The following SAMMSON variants were observed in gnomAD, a reference collection of about 807,000 sequenced individuals.
SAMMSON encodes survival associated mitochondrial melanoma specific oncogenic non-coding RNA, also known as long intergenic non-protein coding RNA 1212.
intron 2 of SAMMSON, among the ~76,000 whole-genome samples, chr3:70,406,825 G>A (rs1701181853): frequency 6.6e-6 from 1 of 152,156 alleles, no homozygotes; most frequent in African/African-American, 2.4e-5. Flanking sequence ...GTTGAGACAG[G>A]TAGAAAACAA....
intron 9 of SAMMSON, among the ~76,000 whole-genome samples, chr3:70,378,424 G>A (rs1174874269): frequency 6.6e-6 from 1 of 151,986 alleles, no homozygotes; most frequent in Non-Finnish European, 1.5e-5. Context: ...CTCTGCATGG[G>A]AATTTACACT....
chr3:70,098,505 G>T (rs957801160), intron 4 of SAMMSON, among the ~76,000 whole-genome samples: 3 of 151,858 alleles, frequency 2.0e-5, no homozygotes, highest in Admixed American at 2.0e-4. Context: ...GTAGTTGGGA[G>T]TATAGGTGCC....
At chr3:70,053,031 C>G (rs1300692941) in intron 3 of SAMMSON, among the ~76,000 whole-genome samples, 1 of 152,124 alleles carries the variant, frequency 6.6e-6, no homozygotes, top group African/African-American at 2.4e-5. Context: ...TATCAGTGCT[C>G]TGAAAAGCAG....
chr3:70,364,333 C>T (rs1006642825), intron 9 of SAMMSON, among the ~76,000 whole-genome samples: 2 of 151,804 alleles, frequency 1.3e-5, no homozygotes, highest in Non-Finnish European at 3.0e-5. Context: ...CAGCCTTATC[C>T]TTGAAGGGCA....
intron 1 of SAMMSON, among the ~76,000 whole-genome samples, chr3:70,002,676 C>T (rs2066910890): frequency 6.6e-6 from 1 of 151,992 alleles, no homozygotes. Context: ...GGATTTTCTA[C>T]TTTTTTTTGT....
At chr3:70,403,741 G>GGATAC in intron 2 of SAMMSON, among the ~76,000 whole-genome samples, 1 of 152,000 alleles carries the variant, frequency 6.6e-6, no homozygotes. Flanking sequence ...TCTTATAATA[G>GGATAC]GATACTAAAT....
chr3:70,352,101 T>A, intron 7 of SAMMSON, among the ~76,000 whole-genome samples: 1 of 105,854 alleles, frequency 9.4e-6, no homozygotes, highest in Admixed American at 1.1e-4. Context: ...AACCAACTTC[T>A]CAATCTGGCA....
chr3:70,360,166 A>C (rs1702861010), intron 9 of SAMMSON, among the ~76,000 whole-genome samples: 1 of 152,150 alleles, frequency 6.6e-6, no homozygotes, highest in Non-Finnish European at 1.5e-5. Context: ...GATAAAGAAA[A>C]GCCAAAGATT....
chr3:70,223,162 T>G (rs143028012), intron 4 of SAMMSON, among the ~76,000 whole-genome samples: 8 of 152,322 alleles, frequency 5.3e-5, no homozygotes, highest in African/African-American at 1.9e-4. Context: ...TACGTCTATT[T>G]GTAACAGGGT....
intron 7 of SAMMSON, among the ~76,000 whole-genome samples, chr3:70,303,839 G>A (rs773898948): frequency 1.3e-5 from 2 of 152,030 alleles, no homozygotes; most frequent in Non-Finnish European, 2.9e-5. Flanking sequence ...GTGCCACCAT[G>A]CCTGTGTAAT....
chr3:70,089,752 T>C (rs1434963373), intron 4 of SAMMSON, among the ~76,000 whole-genome samples: 2 of 152,172 alleles, frequency 1.3e-5, no homozygotes, highest in East Asian at 3.9e-4. Context: ...ATAGTTATTC[T>C]TGTTAATAAT....
intron 6 of SAMMSON, among the ~76,000 whole-genome samples, chr3:70,289,386 C>A (rs1702205938): frequency 6.7e-6 from 1 of 149,734 alleles, no homozygotes; most frequent in African/African-American, 2.5e-5. Flanking sequence ...TGAATATTGG[C>A]CCCCACTCTC....
At chr3:70,418,211 T>C (rs17007242) in intron 2 of SAMMSON, among the ~76,000 whole-genome samples, 25,531 of 152,182 alleles carry the variant, frequency 0.17, 2,732 homozygotes, top group East Asian at 0.33. Flanking sequence ...ACAATGAAGA[T>C]AGTTTCCTCC....
chr3:70,013,977 C>T (rs928929605), intron 3 of SAMMSON: 1 of 152,166 alleles, frequency 6.6e-6, no homozygotes, highest in African/African-American at 2.4e-5. Context: ...CTTGGTTCCT[C>T]TTGTTAGAGG....
chr3:70,081,408 C>T (rs750803956), intron 4 of SAMMSON, among the ~76,000 whole-genome samples: 5 of 152,194 alleles, frequency 3.3e-5, no homozygotes, highest in African/African-American at 4.8e-5. Context: ...CCACCGCGCC[C>T]GGCCTCTTCA....
chr3:70,042,454 TG>T (rs1170151669), intron 3 of SAMMSON, among the ~76,000 whole-genome samples: 1 of 152,120 alleles, frequency 6.6e-6, no homozygotes, highest in Non-Finnish European at 1.5e-5. Context: ...AATTCAAGCA[TG>T]TTTTTTTGTT....
intron 7 of SAMMSON, among the ~76,000 whole-genome samples, chr3:70,303,593 A>G (rs1047643390): frequency 2.0e-5 from 3 of 152,134 alleles, no homozygotes; most frequent in Admixed American, 1.3e-4. Context: ...CAGAATCAGT[A>G]TATGTTATTT....
intron 4 of SAMMSON, among the ~76,000 whole-genome samples, chr3:70,123,131 T>G (rs2067442087): frequency 6.6e-6 from 1 of 152,196 alleles, no homozygotes; most frequent in Non-Finnish European, 1.5e-5. Context: ...CACAGACTTC[T>G]CATTCAGTGG....
intron 3 of SAMMSON, among the ~76,000 whole-genome samples, chr3:70,063,730 G>C (rs1576112467): frequency 6.6e-6 from 1 of 152,070 alleles, no homozygotes; most frequent in Non-Finnish European, 1.5e-5. Flanking sequence ...ACAGGAGAGT[G>C]GTTCAGAGCA....
Sources: gnomAD v4.1 joint callset for allele counts (sites outside exome capture counted in the v4.1 genomes callset) on GRCh38, gnomAD v4.1.1 for gene constraint, MANE v1.5 for transcripts, NCBI Gene and HGNC (gene_info 2026-07-23, HGNC 2026-07-21) for gene names.